The following NEDD9 variants were observed in gnomAD, a reference collection of about 807,000 sequenced individuals.
NEDD9 encodes the protein enhancer of filamentation 1.
NEDD9 carries 26 observed loss-of-function variants against 76.6 expected under a neutral mutation model. The ratio of observed to expected loss-of-function variants is 0.34; its 90% confidence interval spans 0.25 to 0.47. The LOEUF (loss-of-function observed/expected upper bound fraction) is 0.47. Among genes scored for constraint, NEDD9 ranks in the 20% least tolerant of loss-of-function variants. NEDD9 has a pLI of 1.00. For synonymous variants in NEDD9, 392 were observed against 414.2 expected, an observed-to-expected ratio of 0.95 and a Z score of 0.65; for missense variants, 937 against 1,058.5, an observed-to-expected ratio of 0.89 and a Z score of 1.59.
At chr6:11,308,145 GA>G (rs1413796530) in intron 2 of NEDD9, among the ~76,000 whole-genome samples, 1 of 152,084 alleles carries the variant, frequency 6.6e-6, no homozygotes, top group Non-Finnish European at 1.5e-5. Context: ...AGGTAGACTT[GA>G]GGGCTCAAGA....
chr6:11,264,067 C>T (rs576834347), intron 3 of NEDD9, among the ~76,000 whole-genome samples: 3 of 152,284 alleles, frequency 2.0e-5, no homozygotes, highest in South Asian at 4.2e-4. Flanking sequence ...AGAAGGGAAA[C>T]GGCAACCATC....
At chr6:11,200,570 T>A in intron 2 of NEDD9, 2 of 1,084,314 alleles carry the variant, frequency 1.8e-6, no homozygotes, top group Non-Finnish European at 2.3e-6. Flanking sequence ...CTCAAGGCTG[T>A]TTCCTTTCAA....
At chr6:11,188,436 A>G in intron 5 of NEDD9, 129 bp from the exon 6 acceptor site, 1 of 816,618 alleles carries the variant, frequency 1.2e-6, no homozygotes, top group Admixed American at 1.9e-5. Flanking sequence ...ATGCCCAGTG[A>G]GGCACTGTGA....
chr6:11,364,524 C>G (rs1464535462), intron 1 of NEDD9, among the ~76,000 whole-genome samples: 1 of 152,104 alleles, frequency 6.6e-6, no homozygotes, highest in African/African-American at 2.4e-5. Flanking sequence ...GGTTAAGTAA[C>G]TATACCAAGG....
intron 3 of NEDD9, among the ~76,000 whole-genome samples, chr6:11,274,570 C>T (rs1293017813): frequency 6.6e-6 from 1 of 152,212 alleles, no homozygotes; most frequent in East Asian, 1.9e-4. Context: ...CTGCTGGGCA[C>T]AGAGCACTGT....
At chr6:11,282,368 C>A (rs1760553813) in intron 3 of NEDD9, among the ~76,000 whole-genome samples, 1 of 152,204 alleles carries the variant, frequency 6.6e-6, no homozygotes, top group South Asian at 2.1e-4. Context: ...TCTTTTCTAG[C>A]AAGTCACCAC....
At chr6:11,329,907 C>T (rs1233625342) in intron 2 of NEDD9, among the ~76,000 whole-genome samples, 6 of 152,156 alleles carry the variant, frequency 3.9e-5, no homozygotes, top group African/African-American at 1.4e-4. Flanking sequence ...CAACCCTGCA[C>T]TGGGGAGGGC....
chr6:11,331,707 T>A (rs1384045149), intron 2 of NEDD9, among the ~76,000 whole-genome samples: 6 of 152,176 alleles, frequency 3.9e-5, no homozygotes, highest in Admixed American at 2.6e-4. Flanking sequence ...TGCCTGATCA[T>A]GAATCTTTGG....
rs866095373 is a variant in NEDD9 at position 11,201,132 on chromosome 6, C to G, written c.460-7440G>C. On this transcript the variant is annotated intron_variant, in intron 2 of 6. Transcript: ENST00000379446. ...GTCTCAGCAAGTCTCCTTGGGGGCA[C>G]TTCTTTCCTTGGGCATCCACTTCAC... The G allele has an allele frequency of 3.5e-5, 53 of 1,518,432 alleles. 1 individual carries two copies. The South Asian group carries it at 5.5e-4, about 16-fold the overall frequency. The allele number at this position is 1,518,432 out of a possible 1,614,324, so 94.1% of individuals were successfully genotyped here.
chr6:11,236,278 C>T (rs1759598342), upstream of NEDD9, among the ~76,000 whole-genome samples: 1 of 152,174 alleles, frequency 6.6e-6, no homozygotes, highest in Admixed American at 6.5e-5. This position sits in a 1 kb window ranked among gnomAD's most constrained non-coding sequence, Gnocchi z 5.5. Flanking sequence ...GTGGGCATCC[C>T]CTCCTGTCAT....
At chr6:11,285,622 GA>G (rs1760631922) in intron 3 of NEDD9, among the ~76,000 whole-genome samples, 1 of 152,092 alleles carries the variant, frequency 6.6e-6, no homozygotes, top group African/African-American at 2.4e-5. Context: ...CGGATTTCAA[GA>G]ATTGCAAAAC....
intron 3 of NEDD9, among the ~76,000 whole-genome samples, chr6:11,303,435 T>C (rs535756049): frequency 1.3e-5 from 2 of 152,354 alleles, no homozygotes; most frequent in East Asian, 3.9e-4. Context: ...AAAACGTCCA[T>C]ACTTTCCAAG....
intron 1 of NEDD9, among the ~76,000 whole-genome samples, chr6:11,337,708 G>A (rs1463246699): frequency 6.6e-6 from 1 of 152,150 alleles, no homozygotes; most frequent in Non-Finnish European, 1.5e-5. Flanking sequence ...GGCATCAGTA[G>A]GTGTTTAATA....
chr6:11,187,521 G>A (rs1039628386), intron 6 of NEDD9, among the ~76,000 whole-genome samples: 1 of 152,138 alleles, frequency 6.6e-6, no homozygotes, highest in African/African-American at 2.4e-5. Flanking sequence ...TGGCGAAAGA[G>A]AGACAAATAG....
At chr6:11,336,541 T>A (rs1762164833) in intron 1 of NEDD9, among the ~76,000 whole-genome samples, 1 of 152,218 alleles carries the variant, frequency 6.6e-6, no homozygotes, top group East Asian at 1.9e-4. Context: ...CACATCTGTA[T>A]AGAGCAGCTA....
At chr6:11,322,834 A>T (rs1761840306) in intron 2 of NEDD9, among the ~76,000 whole-genome samples, 1 of 152,202 alleles carries the variant, frequency 6.6e-6, no homozygotes. Flanking sequence ...GCAAACACCC[A>T]CAGGTGATTC....
At chr6:11,243,658 G>A (rs943009) in intron 3 of NEDD9, among the ~76,000 whole-genome samples, 145,688 of 152,324 alleles carry the variant, frequency 0.96, 69,684 homozygotes, top group East Asian at 1. Flanking sequence ...GGCTCTTCTG[G>A]TTCTTCTACT....
At chr6:11,292,498 G>C (rs1026623226) in intron 3 of NEDD9, among the ~76,000 whole-genome samples, 1 of 152,174 alleles carries the variant, frequency 6.6e-6, no homozygotes, top group Non-Finnish European at 1.5e-5. Context: ...ATGCCTCTTT[G>C]CAGGCCCAAT....
chr6:11,215,221 C>T (rs1758917071), intron 1 of NEDD9, among the ~76,000 whole-genome samples: 1 of 152,180 alleles, frequency 6.6e-6, no homozygotes, highest in Non-Finnish European at 1.5e-5. Context: ...CCATAGAGGA[C>T]AGTCCTCAGG....
Sources: gnomAD v4.1 joint callset for allele counts (sites outside exome capture counted in the v4.1 genomes callset) on GRCh38, gnomAD v4.1.1 for gene constraint, Gnocchi (gnomAD v3.1) non-coding constraint, MANE v1.5 for transcripts, NCBI Gene and HGNC (gene_info 2026-07-23, HGNC 2026-07-21) for gene names.